Variants in SEMA4B observed in about 807,000 individuals in gnomAD.
SEMA4B encodes the protein semaphorin 4B.
Under a neutral mutation model 88.1 loss-of-function variants are expected in SEMA4B, and 55 were observed. That is an observed-to-expected ratio of 0.62 (90% confidence interval 0.50 to 0.78). SEMA4B has a LOEUF of 0.78. Among genes scored for constraint, SEMA4B ranks in the 30% least tolerant of loss-of-function variants. The pLI is 0.00. For synonymous variants in SEMA4B, 525 were observed against 473.6 expected (o/e 1.11, Z -1.41); for missense variants, 1,062 against 1,111.9 (o/e 0.96, Z 0.64).
chr15:90,221,630 C>T lies in SEMA4B; in HGVS notation c.726C>T (p.Ala242=), dbSNP rs1961850596. ...LNWLQDPAFV[A]SAYIPESLGS... ...TCCCTACAGACCCAGCTTTTGTGGCCTCAGCCTACATTCCTGAGAGCCTGG... is the reference window on the plus strand; with the variant it reads ...TCCCTACAGACCCAGCTTTTGTGGCTTCAGCCTACATTCCTGAGAGCCTGG... Residue 242 remains alanine, a synonymous_variant, in exon 7 of 14, where the codon GCC becomes GCT. Transcript: ENST00000411539. The T allele has an allele frequency of 5.0e-6, 8 of 1,614,032 alleles. No homozygotes were observed. The highest frequency in any genetic ancestry group is 6.8e-6 in the Non-Finnish European group (8 of 1,179,890).
intron 1 of SEMA4B, among the ~76,000 whole-genome samples, chr15:90,203,385 A>G (rs1292666550): frequency 6.6e-6 from 1 of 152,096 alleles, no homozygotes; most frequent in Non-Finnish European, 1.5e-5. Flanking sequence ...GCAGGGTGAG[A>G]TGGGGGCAGA....
chr15:90,227,920 G>A lies in SEMA4B; in HGVS notation c.1791G>A (p.Glu597=). ...TGCCTACAGGGGAGAAGCCATGTGA[G>A]CAAGTCCAGTTCCAGCCCAACACAG... ...SFVPTGEKPC[E]QVQFQPNTVN... Residue 597 remains glutamate, a synonymous_variant, in exon 14 of 14, where the codon GAG becomes GAA. Coordinates refer to ENST00000411539, the MANE Select transcript of SEMA4B (RefSeq NM_198925.4). The A allele has an allele frequency of 6.2e-7, 1 of 1,612,494 alleles. No individual in the cohort carries two copies. Among genetic ancestry groups the A allele is most frequent in the Non-Finnish European group, 8.5e-7 (1 of 1,179,846 alleles).
intron 4 of SEMA4B, 39 bp downstream of exon 4, chr15:90,219,930 A>C: frequency 6.8e-7 from 1 of 1,475,912 alleles, no homozygotes. Flanking sequence ...TGACCTGGGA[A>C]CTGCCCCTCT....
chr15:90,200,247 C>T (rs778495325), upstream of SEMA4B, among the ~76,000 whole-genome samples: 27 of 152,106 alleles, frequency 1.8e-4, no homozygotes, highest in Non-Finnish European at 3.5e-4. Flanking sequence ...CTGATTTTGG[C>T]TGGGGGTGAA....
chr15:90,227,422 G>A, intron 12 of SEMA4B, 135 bp from the exon 13 acceptor site: 2 of 656,784 alleles, frequency 3.0e-6, no homozygotes, highest in Admixed American at 5.4e-5. Flanking sequence ...TGTAGACAGA[G>A]GAGATGCTGA....
chr15:90,220,583 A>T (rs893975742), intron 4 of SEMA4B, among the ~76,000 whole-genome samples: 41 of 151,318 alleles, frequency 2.7e-4, no homozygotes, highest in Non-Finnish European at 3.7e-4. Context: ...GTTAGCCAGG[A>T]TGGTCTTGAT....
intron 1 of SEMA4B, among the ~76,000 whole-genome samples, chr15:90,188,576 C>T (rs568525830): frequency 1.1e-4 from 16 of 151,688 alleles, no homozygotes; most frequent in South Asian, 6.3e-4. Flanking sequence ...TGCAGTGAGC[C>T]GAGATCGCAC....
rs1365754212 is a variant in SEMA4B at position 90,219,717 on chromosome 15, G to GA, written c.385-74dup. The GA allele has an allele frequency of 2.0e-5, 22 of 1,122,964 alleles. No homozygotes were observed. The East Asian group carries it at 5.1e-4, about 26-fold the overall frequency. 69.6% of individuals were successfully genotyped at this position (1,122,964 alleles called of 1,614,324 possible). ...GGAGCAGAGGCCGGGCCTGGGTGTG[G>GA]AAGGGGGGGCTCGGCGGTGCCCCCT... On this transcript the variant is annotated intron_variant, in intron 3 of 13. Transcript: ENST00000411539.
Position 90,223,960 on chromosome 15 carries a change from AC to A in SEMA4B, c.1169del (p.Pro390ArgfsTer31). On this transcript the variant is annotated frameshift_variant, in exon 9 of 14. Coordinates refer to ENST00000411539, the MANE Select transcript of SEMA4B (RefSeq NM_198925.4). LOFTEE classifies it high-confidence loss of function. ...ACACAGCAGTGGTACACCGTGACCC[AC>A]CCGGTGCCCACACCCCGGCCTGGAG... ...RETQQWYTVT[H>X]PVPTPRPGAC... The A allele has an allele frequency of 7.4e-6, 12 of 1,613,240 alleles. No individual in the cohort carries two copies. The highest frequency in any genetic ancestry group is 1.0e-5 in the Non-Finnish European group (12 of 1,179,742).
Position 90,228,391 on chromosome 15 carries a change from C to T in SEMA4B, c.2262C>T (p.Ala754=), listed in dbSNP as rs377491837. Residue 754 remains alanine, a synonymous_variant, in exon 14 of 14, where the codon GCC becomes GCT. Coordinates refer to ENST00000411539, the MANE Select transcript of SEMA4B (RefSeq NM_198925.4). ...MKVFLKQGEC[A]SVHPKTCPVV... ...TCTTCCTGAAGCAGGGGGAATGTGC[C>T]AGCGTGCACCCCAAGACCTGCCCTG... is the stretch of plus-strand genomic sequence containing the variant. 49 of 1,598,706 alleles carry T rather than the reference C, an allele frequency of 3.1e-5. No homozygotes were observed. Among genetic ancestry groups the T allele is most frequent in the Non-Finnish European group, 6.0e-6 (7 of 1,172,344 alleles).
intron 1 of SEMA4B, among the ~76,000 whole-genome samples, chr15:90,209,195 T>C (rs1429625677): frequency 6.6e-6 from 1 of 152,130 alleles, no homozygotes; most frequent in Admixed American, 6.6e-5. Context: ...ACCTGACCAG[T>C]TGATACAAAT....
intron 7 of SEMA4B, 109 bp downstream of exon 7, chr15:90,221,874 A>C: frequency 1.0e-6 from 1 of 958,308 alleles, no homozygotes. Flanking sequence ...CAAGGAGTAC[A>C]GCTTGGCTAA....
chr15:90,204,173 G>A (rs894200347), intron 1 of SEMA4B, among the ~76,000 whole-genome samples: 3 of 152,194 alleles, frequency 2.0e-5, no homozygotes, highest in Admixed American at 6.5e-5. Context: ...ACCATGGGAC[G>A]CCGGGCCCAG....
rs1156254721 is a variant in SEMA4B at position 90,201,720 on chromosome 15, A to C, written c.142A>C (p.Ile48Leu). 1.3e-6 allele frequency: 2 copies of C among 1,483,374 alleles called. No individual in the cohort carries two copies. The highest frequency in any genetic ancestry group is 2.9e-5 in the African/African-American group (2 of 68,630). The allele number at this position is 1,483,374 out of a possible 1,614,324, so 91.9% of individuals were successfully genotyped here. Residue 48 changes from isoleucine (I) to leucine (L), a missense_variant, in exon 1 of 14, where the codon ATC (isoleucine) becomes CTC (leucine). Physicochemically the swap from Ile to Leu is conservative, Grantham distance 5. Transcript: ENST00000411539. The stretch of plus-strand genomic sequence containing the variant: ...TCCGACCTGGGCGCTCAGCCCCCGG[A>C]TCAGCCTGCCTCTGGGTGAGTGCCG... The part of the protein sequence containing the change: ...PPPTWALSPR[I>L]SLPLGSEERP...
rs1961299561 is a variant in SEMA4B at position 90,212,141 on chromosome 15, AACCCC to A, written c.158-5295_158-5291del. On this transcript the variant is annotated intron_variant, in intron 1 of 13. Coordinates refer to ENST00000411539, the MANE Select transcript of SEMA4B (RefSeq NM_198925.4). The surrounding 1 kb of genome is among the most constrained non-coding windows in gnomAD (Gnocchi z 4.0). The stretch of plus-strand genomic sequence containing the variant: ...TATTCCCACATCACTTCCTACTCAG[AACCCC>A]ACTTCCTACTCAGAACCCCACTTCC... 6.9e-5 allele frequency among the ~76,000 whole-genome samples: 1 copy of A among 14,560 alleles called. No individual in the cohort carries two copies. Among genetic ancestry groups the A allele is most frequent in the Non-Finnish European group, 9.8e-5 (1 of 10,168 alleles). The allele number at this position is 14,560 out of a possible 152,430, so 9.6% of individuals were successfully genotyped here.
Position 90,215,566 on chromosome 15 carries a change from C to A in SEMA4B, c.158-1873C>A, listed in dbSNP as rs144573175. Among the ~76,000 whole-genome samples the A allele has an allele frequency of 1.4e-3, 218 of 152,270 alleles. 2 individuals are homozygous for A. The highest frequency in any genetic ancestry group is 2.5e-3 in the Non-Finnish European group (169 of 68,022). Reference sequence around the variant, plus strand: ...GTGGCCCACACCTGTAATCCCAGCACTTCGGGAGGCTGAGGCAGGCGGATT... The same window carrying A: ...GTGGCCCACACCTGTAATCCCAGCAATTCGGGAGGCTGAGGCAGGCGGATT... On this transcript the variant is annotated intron_variant, in intron 1 of 13. Coordinates refer to ENST00000411539, the MANE Select transcript of SEMA4B (RefSeq NM_198925.4).
Position 90,219,809 on chromosome 15 carries a change from A to T in SEMA4B, c.401A>T (p.Tyr134Phe). The T allele has an allele frequency of 1.2e-6, 2 of 1,613,534 alleles. No homozygotes were observed. Among genetic ancestry groups the T allele is most frequent in the Admixed American group, 3.3e-5 (2 of 59,996 alleles). The change falls in exon 4 of 14, where the codon TAC becomes TTC. Residue 134 changes from tyrosine to phenylalanine, a missense_variant. Transcript: ENST00000411539. ...GKDPQRDCQN[Y>F]IKILLPLSGS... ...TCCCCCCAGCGCGACTGTCAAAACT[A>T]CATCAAGATCCTCCTGCCGCTCAGC...
intron 1 of SEMA4B, among the ~76,000 whole-genome samples, chr15:90,209,755 A>C (rs1961170027): frequency 6.6e-6 from 1 of 152,328 alleles, no homozygotes; most frequent in African/African-American, 2.4e-5. Flanking sequence ...GAACTGAGCC[A>C]AGTCTCAAAG....
At chr15:90,199,860 G>A (rs146512665), upstream of SEMA4B, among the ~76,000 whole-genome samples, 227 of 152,200 alleles carry the variant, frequency 1.5e-3, no homozygotes, top group Non-Finnish European at 2.8e-3. Context: ...TGGAGTTAAG[G>A]GCTGAGCAGG....
Sources: allele counts gnomAD v4.1 joint callset (sites outside exome capture counted in the v4.1 genomes callset), GRCh38; gene constraint gnomAD v4.1.1; non-coding constraint Gnocchi (gnomAD v3.1); transcripts MANE v1.5; gene names NCBI Gene and HGNC (gene_info 2026-07-23, HGNC 2026-07-21).